The following SAMSN1 variants were observed in gnomAD, a reference collection of about 807,000 sequenced individuals.
SAMSN1 encodes SAM domain, SH3 domain and nuclear localization signals 1.
Under a neutral mutation model 42.0 loss-of-function variants are expected in SAMSN1, and 31 were observed. The ratio of observed to expected loss-of-function variants is 0.74; its 90% confidence interval spans 0.55 to 1.00. The LOEUF (loss-of-function observed/expected upper bound fraction) is 1.00. Ranked by LOEUF, SAMSN1 falls within the 50% of genes least tolerant of loss-of-function variation. The probability of loss-of-function intolerance (pLI) is 0.00; values close to 1 mark genes in which losing one functional copy is unlikely to be tolerated. For synonymous variants in SAMSN1, 178 were observed against 151.9 expected (o/e 1.17, Z -1.26); for missense variants, 464 against 439.4 (o/e 1.06, Z -0.50).
chr21:14,556,950 C>A (rs1242426264), intron 2 of SAMSN1, among the ~76,000 whole-genome samples: 1 of 152,284 alleles, frequency 6.6e-6, no homozygotes, highest in South Asian at 2.1e-4. Flanking sequence ...CCCAGCAACA[C>A]CCTCTCCAAC....
At chr21:14,647,867 C>A (rs991359278) in intron 1 of SAMSN1, among the ~76,000 whole-genome samples, 1 of 150,904 alleles carries the variant, frequency 6.6e-6, no homozygotes, top group Non-Finnish European at 1.5e-5. Context: ...AGTTGCTTAT[C>A]AGCTTAAGGA....
At chr21:14,539,252 T>G (rs1489666369) in intron 1 of SAMSN1, among the ~76,000 whole-genome samples, 1 of 152,216 alleles carries the variant, frequency 6.6e-6, no homozygotes, top group East Asian at 1.9e-4. Flanking sequence ...ATGCCCTCTC[T>G]CACCACTCCT....
intron 2 of SAMSN1, among the ~76,000 whole-genome samples, chr21:14,576,255 T>G (rs548289946): frequency 6.6e-6 from 1 of 152,212 alleles, no homozygotes; most frequent in African/African-American, 2.4e-5. Context: ...GTTAGAATAG[T>G]CAAGAAAATT....
intron 2 of SAMSN1, among the ~76,000 whole-genome samples, chr21:14,574,940 T>C (rs1600938733): frequency 6.6e-6 from 1 of 152,166 alleles, no homozygotes; most frequent in African/African-American, 2.4e-5. Context: ...GCTTATTTTA[T>C]ATACAGGTAC....
In SAMSN1 at chr21:14,559,878, G is replaced by T. The variant is rs558953424; in HGVS notation, c.261+22258C>A. Among the ~76,000 whole-genome samples, 13 of 152,248 alleles carry T rather than the reference G, an allele frequency of 8.5e-5. No individual in the cohort carries two copies. The South Asian group carries it at 2.7e-3, about 32-fold the overall frequency. ...GAATTCCCCACAGGCATAATATATT[G>T]TTTCTGGGCTCTTCCCAGCATTCTT... is the stretch of plus-strand genomic sequence containing the variant. On this transcript the variant is annotated intron_variant, in intron 2 of 8. Transcript: ENST00000285670.
At chr21:14,581,383 G>A (rs1200870971) in intron 2 of SAMSN1, among the ~76,000 whole-genome samples, 2 of 18,932 alleles carry the variant, frequency 1.1e-4, no homozygotes. Context: ...TTTTGAGGAC[G>A]AGTCTTGCTC....
chr21:14,622,862 GC>G (rs2084218903), intron 2 of SAMSN1, among the ~76,000 whole-genome samples: 3 of 152,202 alleles, frequency 2.0e-5, no homozygotes, highest in African/African-American at 7.2e-5. Flanking sequence ...GTTAAGGGCA[GC>G]CAGAGAGAAA....
chr21:14,616,262 T>C (rs1250277586), intron 2 of SAMSN1, among the ~76,000 whole-genome samples: 1 of 152,102 alleles, frequency 6.6e-6, no homozygotes, highest in African/African-American at 2.4e-5. Context: ...AAAGGTAGGA[T>C]ATTTCCTTTA....
intron 2 of SAMSN1, among the ~76,000 whole-genome samples, chr21:14,520,702 A>G (rs1223774635): frequency 1.3e-5 from 2 of 151,944 alleles, no homozygotes; most frequent in East Asian, 3.9e-4. Flanking sequence ...TTCCCAACTG[A>G]TTCTCTCTTA....
chr21:14,587,702 A>T, upstream of SAMSN1, among the ~76,000 whole-genome samples: 1 of 151,680 alleles, frequency 6.6e-6, no homozygotes, highest in East Asian at 1.9e-4. Flanking sequence ...CACATATCCA[A>T]CTATGTATTT....
At chr21:14,653,343 A>G (rs1314565700) in intron 1 of SAMSN1, among the ~76,000 whole-genome samples, 1 of 152,066 alleles carries the variant, frequency 6.6e-6, no homozygotes, top group East Asian at 1.9e-4. Context: ...AGTCATTTGC[A>G]ACAACATAAT....
chr21:14,526,663 A>C (rs993213471), intron 1 of SAMSN1, among the ~76,000 whole-genome samples: 3 of 152,180 alleles, frequency 2.0e-5, no homozygotes, highest in Admixed American at 2.0e-4. Context: ...TTTTTAAAAA[A>C]TTCTCCACTC....
At chr21:14,659,012 C>G (rs556444780), upstream of SAMSN1, among the ~76,000 whole-genome samples, 3 of 152,038 alleles carry the variant, frequency 2.0e-5, no homozygotes, top group African/African-American at 7.2e-5. Context: ...AGACTTACCA[C>G]GATCTGTGTA....
chr21:14,489,177 A>G (rs1986567938), intron 7 of SAMSN1, among the ~76,000 whole-genome samples: 1 of 152,168 alleles, frequency 6.6e-6, no homozygotes, highest in Non-Finnish European at 1.5e-5. Context: ...AGAAATTGAA[A>G]CCATAACCTT....
chr21:14,489,026 G>T (rs369260695), intron 7 of SAMSN1, among the ~76,000 whole-genome samples: 1 of 152,182 alleles, frequency 6.6e-6, no homozygotes, highest in Non-Finnish European at 1.5e-5. Flanking sequence ...GACAGGGATT[G>T]GCACAAACCT....
chr21:14,535,366 G>A (rs956113758), intron 1 of SAMSN1, among the ~76,000 whole-genome samples: 5 of 152,158 alleles, frequency 3.3e-5, no homozygotes, highest in Admixed American at 2.0e-4. Context: ...ACTGGAGAGT[G>A]TAGGTAAAGG....
chr21:14,537,829 A>G (rs1461157454), intron 1 of SAMSN1, among the ~76,000 whole-genome samples: 1 of 152,164 alleles, frequency 6.6e-6, no homozygotes, highest in African/African-American at 2.4e-5. Context: ...GTTAAAATGT[A>G]TGTTTTCATT....
At chr21:14,629,505 CT>C (rs1983268565) in intron 2 of SAMSN1, among the ~76,000 whole-genome samples, 1 of 152,176 alleles carries the variant, frequency 6.6e-6, no homozygotes, top group Non-Finnish European at 1.5e-5. Context: ...ACAATCAGCT[CT>C]TTCTGATGGG....
Position 14,506,724 on chromosome 21 carries a change from G to A in SAMSN1, c.561+3586C>T, listed in dbSNP as rs961532700. 3.3e-5 allele frequency among the ~76,000 whole-genome samples: 5 copies of A among 151,992 alleles called. No individual in the cohort carries two copies. The East Asian group carries it at 7.7e-4, about 23-fold the overall frequency. ...CAGTATCACCCTAATACCAAAACCA[G>A]GAAAGAGGGTAACCAAAAAAGAAAA... On this transcript the variant is annotated intron_variant, in intron 5 of 7. Coordinates refer to ENST00000400566, the MANE Select transcript of SAMSN1 (RefSeq NM_022136.5).
Sources: allele counts gnomAD v4.1 joint callset (sites outside exome capture counted in the v4.1 genomes callset), GRCh38; gene constraint gnomAD v4.1.1; transcripts MANE v1.5; gene names NCBI Gene and HGNC (gene_info 2026-07-23, HGNC 2026-07-21).